Variants in SPOCK3 observed in about 807,000 individuals in gnomAD.
SPOCK3 encodes the protein testican-3.
SPOCK3 carries 30 observed loss-of-function variants against 56.6 expected under a neutral mutation model. The ratio of observed to expected loss-of-function variants is 0.53; its 90% confidence interval spans 0.40 to 0.72. The LOEUF (loss-of-function observed/expected upper bound fraction) is 0.72, where lower values mean the gene tolerates loss of function less well. Ranked by LOEUF, SPOCK3 falls within the 30% of genes least tolerant of loss-of-function variation. The probability of loss-of-function intolerance (pLI) is 0.00; values close to 1 mark genes in which losing one functional copy is unlikely to be tolerated. For synonymous variants in SPOCK3, 196 were observed against 183.3 expected (o/e 1.07, Z -0.56); for missense variants, 527 against 530.0 (o/e 0.99, Z 0.06).
chr4:166,923,048 T>C (rs976700306), intron 4 of SPOCK3, among the ~76,000 whole-genome samples: 1 of 152,256 alleles, frequency 6.6e-6, no homozygotes, highest in Non-Finnish European at 1.5e-5. Flanking sequence ...TCAGTATCTC[T>C]TGACTGAAAT....
At chr4:166,762,150 C>T (rs1006273789) in intron 7 of SPOCK3, among the ~76,000 whole-genome samples, 2 of 152,030 alleles carry the variant, frequency 1.3e-5, no homozygotes, top group Non-Finnish European at 2.9e-5. Context: ...ACAGAGTTAT[C>T]TCACTCAAAC....
At chr4:167,122,063 C>T (rs1309659463) in intron 2 of SPOCK3, among the ~76,000 whole-genome samples, 1 of 151,736 alleles carries the variant, frequency 6.6e-6, no homozygotes, top group Non-Finnish European at 1.5e-5. Flanking sequence ...CCATCCCTCC[C>T]TCCCTCTTTT....
At chr4:167,167,426 G>T (rs781454902) in intron 2 of SPOCK3, among the ~76,000 whole-genome samples, 3 of 152,130 alleles carry the variant, frequency 2.0e-5, no homozygotes, top group Non-Finnish European at 4.4e-5. Flanking sequence ...ATTTCTTTCT[G>T]CAAGTGCCTT....
intron 2 of SPOCK3, among the ~76,000 whole-genome samples, chr4:167,210,976 T>C (rs967495380): frequency 1.3e-5 from 2 of 152,226 alleles, no homozygotes; most frequent in Non-Finnish European, 1.5e-5. Flanking sequence ...TGTGGTTTAA[T>C]TGCTAAACAA....
At chr4:166,861,397 CAT>C (rs1447015283) in intron 6 of SPOCK3, among the ~76,000 whole-genome samples, 2 of 152,024 alleles carry the variant, frequency 1.3e-5, no homozygotes, top group African/African-American at 4.8e-5. Context: ...ATACTAAAAA[CAT>C]GTGTGCTTAG....
intron 2 of SPOCK3, among the ~76,000 whole-genome samples, chr4:167,225,793 A>T (rs1736537641): frequency 6.6e-6 from 1 of 152,008 alleles, no homozygotes; most frequent in Non-Finnish European, 1.5e-5. Context: ...AAATCTAAAG[A>T]GTAAAGCCTG....
At chr4:166,854,572 T>C (rs1179675274) in intron 6 of SPOCK3, among the ~76,000 whole-genome samples, 1 of 152,174 alleles carries the variant, frequency 6.6e-6, no homozygotes, top group African/African-American at 2.4e-5. Context: ...CTGTCCATAA[T>C]ATTTAAAATA....
intron 7 of SPOCK3, among the ~76,000 whole-genome samples, chr4:166,772,945 T>A (rs545278235): frequency 6.6e-6 from 1 of 152,142 alleles, no homozygotes; most frequent in Non-Finnish European, 1.5e-5. Context: ...CAAGCCACCA[T>A]GCCTGGCTAA....
intron 4 of SPOCK3, among the ~76,000 whole-genome samples, chr4:166,942,409 T>C (rs62355381): frequency 0.76 from 113,229 of 149,608 alleles, 43,039 homozygotes; most frequent in East Asian, 0.92. Context: ...CGGGGTTTCA[T>C]CGTGATGGCC....
At chr4:166,840,290 T>G (rs1747101773) in intron 6 of SPOCK3, among the ~76,000 whole-genome samples, 1 of 152,184 alleles carries the variant, frequency 6.6e-6, no homozygotes, top group Non-Finnish European at 1.5e-5. Flanking sequence ...TTGAGGTGCT[T>G]CACAATCACT....
intron 2 of SPOCK3, among the ~76,000 whole-genome samples, chr4:167,099,158 T>C (rs1336343746): frequency 6.6e-6 from 1 of 151,986 alleles, no homozygotes; most frequent in Non-Finnish European, 1.5e-5. Context: ...ATTTGTATTA[T>C]ACTTTTTATA....
At chr4:166,896,928 TG>T (rs1735447135) in intron 5 of SPOCK3, among the ~76,000 whole-genome samples, 1 of 151,960 alleles carries the variant, frequency 6.6e-6, no homozygotes, top group African/African-American at 2.4e-5. Flanking sequence ...CTTCACCAAC[TG>T]GGGGGCCCCT....
At chr4:167,221,872 C>T (rs1452726229) in intron 2 of SPOCK3, among the ~76,000 whole-genome samples, 3 of 151,982 alleles carry the variant, frequency 2.0e-5, no homozygotes, top group Admixed American at 2.0e-4. Context: ...TGTAAAACAG[C>T]GTAACCACCA....
chr4:166,815,280 G>A (rs1744269192), intron 6 of SPOCK3, among the ~76,000 whole-genome samples: 1 of 148,084 alleles, frequency 6.8e-6, no homozygotes, highest in South Asian at 2.1e-4. Context: ...GTAAAAAAAA[G>A]ACCTATGACC....
chr4:167,052,132 G>T (rs1268095595), intron 3 of SPOCK3, among the ~76,000 whole-genome samples: 1 of 152,082 alleles, frequency 6.6e-6, no homozygotes, highest in Non-Finnish European at 1.5e-5. Context: ...ATTTGGTATA[G>T]AACAAAACAA....
intron 2 of SPOCK3, among the ~76,000 whole-genome samples, chr4:167,154,925 TTGGTAATTGTGA>T (rs1764693465): frequency 1.3e-5 from 2 of 152,236 alleles, no homozygotes; most frequent in South Asian, 4.1e-4. Flanking sequence ...TCCTTGGTGC[TTGGTAATTGTGA>T]TGATGAGAGG....
chr4:166,801,559 G>A (rs1227544496), intron 6 of SPOCK3, among the ~76,000 whole-genome samples: 1 of 151,838 alleles, frequency 6.6e-6, no homozygotes. Flanking sequence ...TTATTACTGT[G>A]TTTCCTTTGA....
At chr4:166,897,891 TAA>T (rs938729761) in intron 5 of SPOCK3, among the ~76,000 whole-genome samples, 4 of 152,074 alleles carry the variant, frequency 2.6e-5, no homozygotes, top group African/African-American at 7.2e-5. Context: ...TCTCTGTTAT[TAA>T]AAGTTTCAAG....
At chr4:166,823,241 C>A (rs927345954) in intron 6 of SPOCK3, among the ~76,000 whole-genome samples, 8 of 152,050 alleles carry the variant, frequency 5.3e-5, no homozygotes, top group East Asian at 1.9e-4. Flanking sequence ...GCTGAGACAA[C>A]TGAAAACAGC....
Sources: allele counts gnomAD v4.1 joint callset (sites outside exome capture counted in the v4.1 genomes callset), GRCh38; gene constraint gnomAD v4.1.1; transcripts MANE v1.5; gene names NCBI Gene and HGNC (gene_info 2026-07-23, HGNC 2026-07-21).